The following PARD3 variants were observed in gnomAD, a reference collection of about 807,000 sequenced individuals.
The protein encoded by PARD3 is partitioning defective 3 homolog.
In PARD3, 75 loss-of-function variants were observed where a neutral mutation model predicts 155.4. That is an observed-to-expected ratio of 0.48 (90% CI 0.40 to 0.58). The LOEUF is 0.58. Ranked by LOEUF, PARD3 falls within the 20% of genes least tolerant of loss-of-function variation. The pLI, the probability that PARD3 is intolerant of heterozygous loss-of-function variation, is 0.00. For missense variants in PARD3, 1,642 were observed against 1,721.7 expected (o/e 0.95, Z 0.82); for synonymous variants, 576 against 610.5 (o/e 0.94, Z 0.83).
chr10:34,308,086 A>C (rs1957502533), intron 20 of PARD3, among the ~76,000 whole-genome samples: 1 of 152,188 alleles, frequency 6.6e-6, no homozygotes, highest in African/African-American at 2.4e-5. Flanking sequence ...GATCAAGGGA[A>C]AAGGCTCTAG....
At chr10:34,753,426 G>C (rs1199947055) in intron 1 of PARD3, among the ~76,000 whole-genome samples, 1 of 152,164 alleles carries the variant, frequency 6.6e-6, no homozygotes, top group Admixed American at 6.5e-5. Context: ...CAAAAGACTA[G>C]ACCACCACAA....
intron 1 of PARD3, among the ~76,000 whole-genome samples, chr10:34,796,220 AC>A (rs1308311083): frequency 6.6e-6 from 1 of 152,062 alleles, no homozygotes; most frequent in Non-Finnish European, 1.5e-5. Context: ...CTAGTTAGTT[AC>A]CCCCACCAAA....
chr10:34,561,146 G>A (rs928781336), intron 2 of PARD3, among the ~76,000 whole-genome samples: 2 of 152,066 alleles, frequency 1.3e-5, no homozygotes, highest in Non-Finnish European at 2.9e-5. Context: ...AAATTATACC[G>A]ACTCTAATCT....
At chr10:34,524,790 T>C (rs767513219) in intron 2 of PARD3, among the ~76,000 whole-genome samples, 30 of 152,114 alleles carry the variant, frequency 2.0e-4, no homozygotes, top group Non-Finnish European at 4.0e-4. Flanking sequence ...CACATACAGA[T>C]AGGTTGACTC....
intron 2 of PARD3, among the ~76,000 whole-genome samples, chr10:34,681,750 ATATATATATATATATATATTTTTTTTTT>A (rs1376340671): frequency 1.6e-3 from 26 of 16,470 alleles, no homozygotes; most frequent in African/African-American, 7.4e-3. Context: ...ATATATATAT[ATATATATATATATATATATTTTTTTTTT>A]TTTTTTTTTT....
intron 20 of PARD3, among the ~76,000 whole-genome samples, chr10:34,293,596 C>T (rs1428402772): frequency 6.6e-6 from 1 of 151,972 alleles, no homozygotes. Flanking sequence ...GAGTGTCTTT[C>T]ACACAACTAC....
intron 14 of PARD3, among the ~76,000 whole-genome samples, chr10:34,353,297 A>G (rs1416233586): frequency 6.6e-6 from 1 of 152,218 alleles, no homozygotes; most frequent in Admixed American, 6.5e-5. Context: ...TGGGGAAAAG[A>G]AAGAGAGATC....
Position 34,735,155 on chromosome 10 carries a change from TAAGTA to T in PARD3, c.121-38741_121-38737del, listed in dbSNP as rs1564561693. On this transcript the variant is annotated intron_variant, in intron 1 of 24. Transcript: ENST00000374788. Reference sequence around the variant, plus strand: ...TATCCAAACGGACAACAGAAAATAATAAGTAGATAACCTAGTATTCACGAGAGAGA... The same window carrying T: ...TATCCAAACGGACAACAGAAAATAATGATAACCTAGTATTCACGAGAGAGA... Among the ~76,000 whole-genome samples, 7 of 152,270 alleles carry T rather than the reference TAAGTA, an allele frequency of 4.6e-5. No homozygotes were observed. In the East Asian group the frequency reaches 9.6e-4, roughly 21 times the overall value.
intron 14 of PARD3, among the ~76,000 whole-genome samples, chr10:34,348,944 AATAAT>A (rs1191673136): frequency 6.6e-6 from 1 of 152,228 alleles, no homozygotes; most frequent in Non-Finnish European, 1.5e-5. Context: ...TTTACATAAA[AATAAT>A]ATGAGTAAGA....
intron 2 of PARD3, among the ~76,000 whole-genome samples, chr10:34,552,601 C>G (rs1432398401): frequency 6.6e-6 from 1 of 152,082 alleles, no homozygotes; most frequent in Middle Eastern, 3.2e-3. Flanking sequence ...GTAATCTCAG[C>G]TATTCAGGAG....
At chr10:34,262,194 A>AGG (rs1171725895) in intron 22 of PARD3, among the ~76,000 whole-genome samples, 6 of 152,202 alleles carry the variant, frequency 3.9e-5, no homozygotes, top group African/African-American at 1.2e-4. Flanking sequence ...GAAGTGCTCC[A>AGG]GGGTCTTTCT....
intron 22 of PARD3, among the ~76,000 whole-genome samples, chr10:34,159,186 T>G (rs925888282): frequency 6.6e-6 from 1 of 152,224 alleles, no homozygotes; most frequent in African/African-American, 2.4e-5. Flanking sequence ...TAGTTCATTC[T>G]GAAGTTTTGG....
chr10:34,371,690 C>G (rs1012005527), intron 12 of PARD3, among the ~76,000 whole-genome samples: 1 of 151,640 alleles, frequency 6.6e-6, no homozygotes, highest in African/African-American at 2.4e-5. Flanking sequence ...TTGACATTAC[C>G]TACTATGGAA....
chr10:34,622,730 T>G (rs2091752005), intron 2 of PARD3, among the ~76,000 whole-genome samples: 1 of 152,136 alleles, frequency 6.6e-6, no homozygotes, highest in Non-Finnish European at 1.5e-5. Flanking sequence ...CAAGATAATT[T>G]TGTTAGGAGA....
At chr10:34,213,816 G>T (rs563353369) in intron 22 of PARD3, among the ~76,000 whole-genome samples, 1 of 152,122 alleles carries the variant, frequency 6.6e-6, no homozygotes, top group Non-Finnish European at 1.5e-5. Context: ...AATGACAAAC[G>T]ATTGACTTTT....
At chr10:34,795,098 T>C (rs1007081648) in intron 1 of PARD3, among the ~76,000 whole-genome samples, 2 of 152,194 alleles carry the variant, frequency 1.3e-5, no homozygotes, top group African/African-American at 2.4e-5. Flanking sequence ...TCCTGACTCT[T>C]GGGATACTGT....
chr10:34,625,992 G>A (rs1432842073), intron 2 of PARD3, among the ~76,000 whole-genome samples: 1 of 152,176 alleles, frequency 6.6e-6, no homozygotes, highest in African/African-American at 2.4e-5. Flanking sequence ...ACTCAAAAGA[G>A]ATGCCGAGAC....
At chr10:34,196,578 T>TC (rs1950948414) in intron 22 of PARD3, among the ~76,000 whole-genome samples, 1 of 143,386 alleles carries the variant, frequency 7.0e-6, no homozygotes, top group African/African-American at 2.6e-5. Flanking sequence ...CTTTTTTTTT[T>TC]TTTTTTTTTT....
At chr10:34,394,889 T>A (rs571993763) in intron 7 of PARD3, among the ~76,000 whole-genome samples, 1 of 151,346 alleles carries the variant, frequency 6.6e-6, no homozygotes. Context: ...GTACCTATGG[T>A]CCTGTAGACC....
Sources: gnomAD v4.1 joint callset for allele counts (sites outside exome capture counted in the v4.1 genomes callset) on GRCh38, gnomAD v4.1.1 for gene constraint, MANE v1.5 for transcripts, NCBI Gene and HGNC (gene_info 2026-07-23, HGNC 2026-07-21) for gene names.